Variants in TBC1D19 observed in about 807,000 individuals in gnomAD.
The protein encoded by TBC1D19 is TBC1 domain family member 19, also known as TBC1 domain family, member 19.
TBC1D19 carries 60 observed loss-of-function variants against 89.0 expected under a neutral mutation model. That is an observed-to-expected ratio of 0.67 (90% CI 0.55 to 0.84). The LOEUF is 0.84. Among genes scored for constraint, TBC1D19 ranks in the 40% least tolerant of loss-of-function variants. TBC1D19 has a pLI of 0.00. For synonymous variants in TBC1D19, 189 were observed against 199.7 expected (o/e 0.95, Z 0.45); for missense variants, 500 against 610.8 (o/e 0.82, Z 1.91).
At chr4:26,579,206 A>G (rs1274279325), upstream of TBC1D19, among the ~76,000 whole-genome samples, 1 of 152,200 alleles carries the variant, frequency 6.6e-6, no homozygotes, top group Non-Finnish European at 1.5e-5. Context: ...TATCATTCAC[A>G]GGGGTTCATA....
At chr4:26,778,435 AAGAGAAGGGG>A in the TBC1D19 span, among the ~76,000 whole-genome samples, 14 of 142,012 alleles carry the variant, frequency 9.9e-5, no homozygotes, top group Non-Finnish European at 2.2e-4. Flanking sequence ...AAAGAAAGGA[AAGAGAAGGGG>A]AGGGAAGGGG....
At chr4:26,636,792 A>G (rs1220685041) in intron 4 of TBC1D19, among the ~76,000 whole-genome samples, 3 of 152,238 alleles carry the variant, frequency 2.0e-5, no homozygotes, top group African/African-American at 7.2e-5. Flanking sequence ...AAAAATTACA[A>G]TGTAATAATT....
intron 13 of TBC1D19, among the ~76,000 whole-genome samples, chr4:26,701,571 G>A (rs150406268): frequency 1.6e-3 from 247 of 152,138 alleles, no homozygotes; most frequent in African/African-American, 5.6e-3. Context: ...TCATTATTGA[G>A]AAGGAAGCTT....
chr4:26,667,351 C>T (rs1178748216), intron 9 of TBC1D19, among the ~76,000 whole-genome samples: 1 of 152,012 alleles, frequency 6.6e-6, no homozygotes, highest in Admixed American at 6.6e-5. Flanking sequence ...TCCTCCTACC[C>T]TCTTTCAATC....
chr4:26,851,323 A>ATCTATCTGTCTGTCTG, the TBC1D19 span, among the ~76,000 whole-genome samples: 2 of 141,292 alleles, frequency 1.4e-5, no homozygotes, highest in African/African-American at 6.3e-5. Flanking sequence ...CTATCTATCT[A>ATCTATCTGTCTGTCTG]TCTATCTATC....
the TBC1D19 span, among the ~76,000 whole-genome samples, chr4:26,855,136 C>T: frequency 6.6e-6 from 1 of 152,172 alleles, no homozygotes; most frequent in Non-Finnish European, 1.5e-5. Context: ...CCCCTTACTT[C>T]TGCTTCACTG....
intron 12 of TBC1D19, among the ~76,000 whole-genome samples, chr4:26,685,441 C>T (rs1006470072): frequency 2.6e-5 from 4 of 152,168 alleles, no homozygotes; most frequent in Non-Finnish European, 4.4e-5. Flanking sequence ...GCATCTGAAC[C>T]AATACAATTT....
the TBC1D19 span, among the ~76,000 whole-genome samples, chr4:26,777,082 G>A: frequency 1.7e-3 from 255 of 151,288 alleles, no homozygotes; most frequent in African/African-American, 6.0e-3. Flanking sequence ...AGGAAACGCT[G>A]GGACAGGCCA....
intron 13 of TBC1D19, among the ~76,000 whole-genome samples, chr4:26,699,548 A>C (rs2109203508): frequency 6.6e-6 from 1 of 152,314 alleles, no homozygotes; most frequent in African/African-American, 2.4e-5. Flanking sequence ...ATGCTACTAT[A>C]AAGGGACATG....
At chr4:26,817,332 C>T in the TBC1D19 span, among the ~76,000 whole-genome samples, 99 of 152,292 alleles carry the variant, frequency 6.5e-4, no homozygotes, top group African/African-American at 2.1e-3. Context: ...TTTTACACAG[C>T]TGTTTAATAT....
At chr4:26,734,000 T>C (rs1271125524) in intron 15 of TBC1D19, among the ~76,000 whole-genome samples, 1 of 152,192 alleles carries the variant, frequency 6.6e-6, no homozygotes, top group Non-Finnish European at 1.5e-5. Context: ...CATGAAGTCT[T>C]GGAGCAAGAA....
chr4:26,738,155 A>T (rs1718153230), intron 16 of TBC1D19, among the ~76,000 whole-genome samples: 1 of 151,476 alleles, frequency 6.6e-6, no homozygotes, highest in Admixed American at 6.6e-5. Flanking sequence ...TTTCATAGCT[A>T]TATAAAGGAA....
the TBC1D19 span, among the ~76,000 whole-genome samples, chr4:26,768,373 C>T: frequency 6.6e-6 from 1 of 152,264 alleles, no homozygotes. Flanking sequence ...CATATCAGCA[C>T]ACCTCAAGAC....
rs369502238 is a variant in TBC1D19 at position 26,673,789 on chromosome 4, A to T, written c.717A>T (p.Gln239His). ...VRIGQKVLAE[Q>H]DSAAAQQYIR... Reference sequence around the variant, plus strand: ...TACTTTTGATAGTTCTAGCAGAACAAGATAGTGCTGCTGCTCAACAGTACA... The same window carrying T: ...TACTTTTGATAGTTCTAGCAGAACATGATAGTGCTGCTGCTCAACAGTACA... The change falls in exon 11 of 21, where the codon CAA becomes CAT. Residue 239 changes from glutamine to histidine, a missense_variant. By Grantham distance (24) the Gln-to-His change is conservative (BLOSUM62 0). Around this residue, in one of 2 missense-constraint regions of TBC1D19, gnomAD observed 280 missense variants for 291.7 expected, o/e 0.96. Coordinates refer to ENST00000264866, the MANE Select transcript of TBC1D19 (RefSeq NM_018317.4). 3.1e-6 allele frequency: 5 copies of T among 1,610,400 alleles called. No individual in the cohort carries two copies. Among genetic ancestry groups the T allele is most frequent in the Non-Finnish European group, 4.2e-6 (5 of 1,177,076 alleles).
chr4:26,614,523 G>T, intron 3 of TBC1D19, 70 bp downstream of exon 3: 1 of 1,042,518 alleles, frequency 9.6e-7, no homozygotes, highest in South Asian at 1.7e-5. Flanking sequence ...AATAAAACCA[G>T]TATTGTTATA....
rs564553984 is a variant in TBC1D19 at position 26,689,568 on chromosome 4, G to T, written c.954+1161G>T. On this transcript the variant is annotated intron_variant, in intron 13 of 20. Transcript: ENST00000264866. The stretch of plus-strand genomic sequence containing the variant: ...CCATTTTTTTCAACAGCATGAGCTT[G>T]TTTCATATTTCTGTGTCACATTTTG... 5.3e-5 allele frequency among the ~76,000 whole-genome samples: 8 copies of T among 152,054 alleles called. No individual in the cohort carries two copies. The South Asian group carries it at 8.3e-4, about 16-fold the overall frequency.
At chr4:26,792,258 T>C in the TBC1D19 span, among the ~76,000 whole-genome samples, 2 of 152,048 alleles carry the variant, frequency 1.3e-5, no homozygotes, top group Non-Finnish European at 2.9e-5. Flanking sequence ...ACCATACTTA[T>C]TATTAAAAAA....
chr4:26,690,003 C>T (rs897068166), intron 13 of TBC1D19, among the ~76,000 whole-genome samples: 5 of 152,054 alleles, frequency 3.3e-5, no homozygotes, highest in South Asian at 2.1e-4. Context: ...TAAATGCAAA[C>T]GAAAAGTTTT....
rs1225274139 is a variant in TBC1D19, at chr4:26,721,767, TA to T, written c.1084+1644del. Among the ~76,000 whole-genome samples, 20 of 152,272 alleles carry T rather than the reference TA, an allele frequency of 1.3e-4. No homozygotes were observed. In the South Asian group the frequency reaches 4.1e-3, roughly 32 times the overall value. On this transcript the variant is annotated intron_variant, in intron 15 of 20. Coordinates refer to ENST00000264866, the MANE Select transcript of TBC1D19 (RefSeq NM_018317.4). ...TTTCCACTATTTCCCATCTCATTTT[TA>T]ATTATAGCAATATCAAACTATTTAT... is the stretch of plus-strand genomic sequence containing the variant.
Sources: allele counts gnomAD v4.1 joint callset (sites outside exome capture counted in the v4.1 genomes callset), GRCh38; gene constraint gnomAD v4.1.1; regional missense constraint gnomAD v4.1.1; transcripts MANE v1.5; gene names NCBI Gene and HGNC (gene_info 2026-07-23, HGNC 2026-07-21).